The following MYO18B variants were observed in gnomAD, a reference collection of about 807,000 sequenced individuals.
The protein encoded by MYO18B is unconventional myosin-XVIIIb.
In MYO18B, 204 loss-of-function variants were observed where a neutral mutation model predicts 273.0. The observed-to-expected ratio is 0.75, with a 90% CI of 0.67 to 0.84. The LOEUF is 0.84. Ranked by LOEUF, MYO18B falls within the 40% of genes least tolerant of loss-of-function variation. MYO18B has a pLI of 0.00. For missense variants in MYO18B, 3,212 were observed against 3,287.6 expected (o/e 0.98, Z 0.56); for synonymous variants, 1,330 against 1,305.7 (o/e 1.02, Z -0.40).
At chr22:25,874,477 C>T in intron 23 of MYO18B, 63 bp downstream of exon 23, 1 of 1,555,312 alleles carries the variant, frequency 6.4e-7, no homozygotes, top group South Asian at 1.2e-5. Flanking sequence ...ATAGGGTCTG[C>T]CTGTCTTTCA....
chr22:25,866,115 T>C (rs989463858), intron 21 of MYO18B, among the ~76,000 whole-genome samples: 1 of 152,192 alleles, frequency 6.6e-6, no homozygotes, highest in African/African-American at 2.4e-5. Context: ...TGTGATGTCT[T>C]TGACCCATGG....
chr22:25,853,142 G>T (rs1445733091), intron 21 of MYO18B, among the ~76,000 whole-genome samples: 1 of 152,172 alleles, frequency 6.6e-6, no homozygotes, highest in African/African-American at 2.4e-5. Flanking sequence ...AACATCAGCA[G>T]CAGCACCATC....
intron 12 of MYO18B, among the ~76,000 whole-genome samples, chr22:25,803,585 C>A (rs894393704): frequency 1.3e-5 from 2 of 152,104 alleles, no homozygotes; most frequent in African/African-American, 4.8e-5. Context: ...GCCAAGAAGA[C>A]TAGACTTTGC....
At chr22:25,911,778 A>G (rs1372171429) in intron 33 of MYO18B, among the ~76,000 whole-genome samples, 1 of 152,136 alleles carries the variant, frequency 6.6e-6, no homozygotes, top group African/African-American at 2.4e-5. Context: ...AACTTCCCTC[A>G]CTACTGAGAA....
chr22:25,952,487 T>C lies in MYO18B; in HGVS notation c.5970+64T>C, dbSNP rs1601671341. The stretch of plus-strand genomic sequence containing the variant: ...AGGGAGAGCTTTTGTGTAAGCTTCA[T>C]CCATCCTTCTACTACTCATCTATCT... On this transcript the variant is annotated intron_variant, in intron 38 of 43. Coordinates refer to ENST00000335473, the MANE Select transcript of MYO18B (RefSeq NM_032608.7). 2.5e-6 allele frequency: 4 copies of C among 1,585,110 alleles called. No individual in the cohort carries two copies. In the East Asian group the frequency reaches 9.0e-5, roughly 36 times the overall value.
intron 38 of MYO18B, 110 bp downstream of exon 38, chr22:25,952,533 A>G (rs1049047495): frequency 7.2e-7 from 1 of 1,387,350 alleles, no homozygotes; most frequent in African/African-American, 1.4e-5. Context: ...CTTCATCTAG[A>G]TATACATTAC....
chr22:25,980,075 G>A (rs1036389202), intron 39 of MYO18B, among the ~76,000 whole-genome samples: 2 of 152,146 alleles, frequency 1.3e-5, no homozygotes, highest in Non-Finnish European at 2.9e-5. Flanking sequence ...ACAGGGGTAG[G>A]AAACTCCCAG....
rs765637554 is a variant in MYO18B at position 26,027,394 on chromosome 22, C to T, written c.7420C>T (p.His2474Tyr). The part of the protein sequence containing the change: ...GQDGSQRSSI[H>Y]FETEEANRSF... ...AGACGGTTCACAGCGTTCAAGCATC[C>T]ACTTTGAAACGGAAGAGGCTAACCG... The change falls in exon 43 of 44, where the codon CAC becomes TAC. Residue 2474 changes from histidine to tyrosine, a missense_variant. His to Tyr is a moderately conservative substitution (Grantham distance 83). Coordinates refer to ENST00000335473, the MANE Select transcript of MYO18B (RefSeq NM_032608.7). The surrounding 1 kb of genome is among the most constrained non-coding windows in gnomAD (Gnocchi z 4.1). The T allele has an allele frequency of 2.2e-5, 35 of 1,613,828 alleles. No homozygotes were observed. Among genetic ancestry groups the T allele is most frequent in the Non-Finnish European group, 4.2e-6 (5 of 1,179,898 alleles).
At chr22:26,035,673 G>A (rs1334772816), downstream of MYO18B, among the ~76,000 whole-genome samples, 1 of 152,220 alleles carries the variant, frequency 6.6e-6, no homozygotes, top group Non-Finnish European at 1.5e-5. Context: ...GACAACAAAT[G>A]TTGCTCCAGA....
chr22:25,856,140 T>C (rs1451028227), intron 21 of MYO18B, among the ~76,000 whole-genome samples: 2 of 152,206 alleles, frequency 1.3e-5, no homozygotes, highest in South Asian at 4.1e-4. Context: ...GCTGTACCAT[T>C]TTGCATTTCC....
intron 25 of MYO18B, among the ~76,000 whole-genome samples, chr22:25,887,332 A>G (rs930001351): frequency 4.6e-5 from 7 of 152,294 alleles, no homozygotes; most frequent in Admixed American, 4.6e-4. Flanking sequence ...AACATCCGTG[A>G]AATCCCAGTT....
At chr22:26,053,618 T>TAG in the MYO18B span, among the ~76,000 whole-genome samples, 1 of 152,210 alleles carries the variant, frequency 6.6e-6, no homozygotes, top group African/African-American at 2.4e-5. Flanking sequence ...AAAATTTTCC[T>TAG]AGAGAGCTAG....
rs148619813 is a variant in MYO18B at position 25,769,974 on chromosome 22, C to T, written c.1513-136C>T. 887 of 869,744 alleles carry T rather than the reference C, an allele frequency of 1.0e-3. 5 individuals are homozygous for T. The African/African-American group carries it at 0.013, about 12-fold the overall frequency. 53.9% of individuals were successfully genotyped at this position (869,744 alleles called of 1,614,324 possible). On this transcript the variant is annotated intron_variant, in intron 4 of 43. Transcript: ENST00000335473. ...ACGGGAATCTGCATTTAAATAAGCA[C>T]ACTCCCTCTCCTGTTCTCCCCCAGG...
the MYO18B span, among the ~76,000 whole-genome samples, chr22:26,045,187 T>C: frequency 6.6e-6 from 1 of 152,036 alleles, no homozygotes; most frequent in African/African-American, 2.4e-5. Context: ...GTCATCTCCA[T>C]GGAAACACAC....
At chr22:25,903,126 T>A (rs1278272254) in intron 30 of MYO18B, 1 of 216,642 alleles carries the variant, frequency 4.6e-6, no homozygotes, top group Non-Finnish European at 9.3e-6. Flanking sequence ...CTCCTCATCC[T>A]TTTGTGGTTC....
intron 15 of MYO18B, among the ~76,000 whole-genome samples, chr22:25,831,156 T>C (rs2089692610): frequency 6.6e-6 from 1 of 152,222 alleles, no homozygotes; most frequent in South Asian, 2.1e-4. Context: ...ATTTTGGATC[T>C]TCCTGTATAT....
At chr22:25,871,025 A>T (rs955970082) in intron 22 of MYO18B, among the ~76,000 whole-genome samples, 1 of 152,252 alleles carries the variant, frequency 6.6e-6, no homozygotes, top group Admixed American at 6.5e-5. Flanking sequence ...TTGACTGAGA[A>T]ACTGTCAAAA....
intron 40 of MYO18B, among the ~76,000 whole-genome samples, chr22:25,994,784 T>G (rs1307620575): frequency 1.3e-5 from 2 of 152,258 alleles, no homozygotes; most frequent in Non-Finnish European, 2.9e-5. Flanking sequence ...TGTTTGATGC[T>G]TGGGCTGGCT....
intron 21 of MYO18B, among the ~76,000 whole-genome samples, chr22:25,863,817 A>G (rs1205272968): frequency 6.6e-6 from 1 of 152,170 alleles, no homozygotes; most frequent in Non-Finnish European, 1.5e-5. Context: ...AGGGATATGT[A>G]GATAGTGAGG....
Sources: gnomAD v4.1 joint callset for allele counts (sites outside exome capture counted in the v4.1 genomes callset) on GRCh38, gnomAD v4.1.1 for gene constraint, Gnocchi (gnomAD v3.1) non-coding constraint, MANE v1.5 for transcripts, NCBI Gene and HGNC (gene_info 2026-07-23, HGNC 2026-07-21) for gene names.